SPIDR: variants seen among roughly 807,000 people sequenced by gnomAD.
The protein encoded by SPIDR is scaffold protein involved in DNA repair.
Under a neutral mutation model 104.6 loss-of-function variants are expected in SPIDR, and 93 were observed. That is an observed-to-expected ratio of 0.89 (90% CI 0.75 to 1.06). SPIDR has a LOEUF of 1.06. Ranked by LOEUF, SPIDR falls within the 50% of genes least tolerant of loss-of-function variation. SPIDR has a pLI of 0.00. For synonymous variants in SPIDR, 431 were observed against 416.9 expected (o/e 1.03, Z -0.41); for missense variants, 1,154 against 1,111.2 (o/e 1.04, Z -0.55).
chr8:47,605,177 A>G (rs1171482404), intron 10 of SPIDR, among the ~76,000 whole-genome samples: 1 of 152,232 alleles, frequency 6.6e-6, no homozygotes, highest in Non-Finnish European at 1.5e-5. Context: ...CTGAGGAGAC[A>G]GAGGAGGCTG....
At chr8:47,711,528 A>G (rs1388892480) in intron 14 of SPIDR, among the ~76,000 whole-genome samples, 1 of 151,856 alleles carries the variant, frequency 6.6e-6, no homozygotes, top group Non-Finnish European at 1.5e-5. Context: ...GTGGCTGGTT[A>G]AGAATGTTAC....
chr8:47,346,899 A>C (rs577859545), intron 5 of SPIDR, among the ~76,000 whole-genome samples: 1 of 152,126 alleles, frequency 6.6e-6, no homozygotes, highest in African/African-American at 2.4e-5. Flanking sequence ...TTTTCAAAAA[A>C]ACAGCCCCTG....
chr8:47,337,765 T>G (rs997404443), intron 5 of SPIDR, among the ~76,000 whole-genome samples: 2 of 152,172 alleles, frequency 1.3e-5, no homozygotes, highest in Admixed American at 6.5e-5. Context: ...TGGTAGTGTG[T>G]TAGGTAGGTG....
chr8:47,298,236 T>C (rs1260046565), intron 5 of SPIDR, among the ~76,000 whole-genome samples: 4 of 152,230 alleles, frequency 2.6e-5, no homozygotes, highest in African/African-American at 9.6e-5. Flanking sequence ...TCACGTGTCT[T>C]TTGGCGGTAT....
At chr8:47,541,598 T>TAA (rs1292738240) in intron 8 of SPIDR, among the ~76,000 whole-genome samples, 2 of 152,118 alleles carry the variant, frequency 1.3e-5, no homozygotes, top group Non-Finnish European at 2.9e-5. Context: ...AATTATCAAT[T>TAA]ATTAGAAGAA....
At chr8:47,468,711 T>C (rs1360234755) in intron 8 of SPIDR, among the ~76,000 whole-genome samples, 3 of 152,118 alleles carry the variant, frequency 2.0e-5, no homozygotes, top group Non-Finnish European at 4.4e-5. Context: ...GGATCAAAAA[T>C]GTAAAACTTA....
At chr8:47,592,753 A>G in intron 8 of SPIDR, 1 of 495,630 alleles carries the variant, frequency 2.0e-6, no homozygotes, top group South Asian at 4.0e-5. Flanking sequence ...AGACAATGTT[A>G]TAATTTTTGT....
At chr8:47,448,402 A>G (rs2071083821) in intron 8 of SPIDR, among the ~76,000 whole-genome samples, 1 of 152,204 alleles carries the variant, frequency 6.6e-6, no homozygotes, top group Admixed American at 6.5e-5. Context: ...GATTTACTGA[A>G]TGTTTACTTA....
At chr8:47,479,897 T>C (rs963427737) in intron 8 of SPIDR, among the ~76,000 whole-genome samples, 1 of 152,216 alleles carries the variant, frequency 6.6e-6, no homozygotes, top group East Asian at 1.9e-4. Flanking sequence ...CTACAATAGC[T>C]TCTTCAGTGT....
chr8:47,301,924 T>C (rs2042151087), intron 5 of SPIDR, among the ~76,000 whole-genome samples: 1 of 133,008 alleles, frequency 7.5e-6, no homozygotes, highest in African/African-American at 2.9e-5. Context: ...TTATGTGTCT[T>C]GGAGTTGCTC....
intron 8 of SPIDR, among the ~76,000 whole-genome samples, chr8:47,454,855 C>T (rs913461663): frequency 6.6e-6 from 1 of 151,492 alleles, no homozygotes; most frequent in African/African-American, 2.4e-5. Context: ...CCCTCCAGCC[C>T]AGACAACACA....
chr8:47,283,003 C>T (rs1554560030), intron 2 of SPIDR, among the ~76,000 whole-genome samples: 5 of 151,936 alleles, frequency 3.3e-5, no homozygotes, highest in Non-Finnish European at 7.4e-5. Flanking sequence ...TTACAGGTGC[C>T]CGCCACCACG....
intron 16 of SPIDR, among the ~76,000 whole-genome samples, chr8:47,725,105 AAGAGGGTATAGC>A (rs1198706617): frequency 6.6e-6 from 1 of 152,194 alleles, no homozygotes. Context: ...GATAGGGAGG[AAGAGGGTATAGC>A]AGAGTTCAAG....
At chr8:47,565,971 C>CATATATATATATATAT (rs1170408396) in intron 8 of SPIDR, among the ~76,000 whole-genome samples, 429 of 41,364 alleles carry the variant, frequency 0.01, 23 homozygotes, top group East Asian at 0.041. Flanking sequence ...TATTTATACT[C>CATATATATATATATAT]ATATATATAT....
intron 8 of SPIDR, among the ~76,000 whole-genome samples, chr8:47,573,943 T>C (rs2058800281): frequency 6.6e-6 from 1 of 152,236 alleles, no homozygotes; most frequent in South Asian, 2.1e-4. Context: ...AGAGAAATTA[T>C]GCTTCCTCTG....
intron 8 of SPIDR, among the ~76,000 whole-genome samples, chr8:47,518,187 C>T (rs1201249075): frequency 6.6e-6 from 1 of 152,220 alleles, no homozygotes; most frequent in African/African-American, 2.4e-5. Flanking sequence ...AGCAGCCAGG[C>T]ACTTTGTTAG....
chr8:47,300,890 G>T (rs1586598479), intron 5 of SPIDR, among the ~76,000 whole-genome samples: 1 of 152,178 alleles, frequency 6.6e-6, no homozygotes, highest in Non-Finnish European at 1.5e-5. Flanking sequence ...TTTGGAATAG[G>T]TGTGGTGTGG....
intron 1 of SPIDR, among the ~76,000 whole-genome samples, chr8:47,278,402 C>T (rs1410014820): frequency 6.6e-6 from 1 of 151,900 alleles, no homozygotes; most frequent in African/African-American, 2.4e-5. Flanking sequence ...TCACTGCAGC[C>T]TTGACCTCCT....
chr8:47,610,480 G>A (rs1192576165), intron 10 of SPIDR, among the ~76,000 whole-genome samples: 1 of 152,194 alleles, frequency 6.6e-6, no homozygotes, highest in Non-Finnish European at 1.5e-5. Context: ...TCCTCTAGCT[G>A]AGCCACCGCA....
Sources: allele counts gnomAD v4.1 joint callset (sites outside exome capture counted in the v4.1 genomes callset), GRCh38; gene constraint gnomAD v4.1.1; transcripts MANE v1.5; gene names NCBI Gene and HGNC (gene_info 2026-07-23, HGNC 2026-07-21).